The following RB1 variants were observed in gnomAD, a reference collection of about 807,000 sequenced individuals.
RB1 encodes the protein RB transcriptional corepressor 1.
In RB1, 18 loss-of-function variants were observed where a neutral mutation model predicts 135.4. The ratio of observed to expected loss-of-function variants is 0.13; its 90% confidence interval spans 0.09 to 0.20. The LOEUF is 0.20. Ranked by LOEUF, RB1 falls within the 10% of genes least tolerant of loss-of-function variation. The pLI is 1.00. For synonymous variants in RB1, 365 were observed against 373.2 expected, an observed-to-expected ratio of 0.98 and a Z score of 0.25; for missense variants, 868 against 1,110.0, an observed-to-expected ratio of 0.78 and a Z score of 3.10.
intron 19 of RB1, among the ~76,000 whole-genome samples, chr13:48,458,967 A>T (rs1949378897): frequency 6.6e-6 from 1 of 152,210 alleles, no homozygotes; most frequent in South Asian, 2.1e-4. Context: ...GGAAAAATTC[A>T]TAGACACTGG....
chr13:48,316,385 A>G (rs936889732), intron 2 of RB1, among the ~76,000 whole-genome samples: 6 of 152,076 alleles, frequency 3.9e-5, no homozygotes, highest in African/African-American at 1.4e-4. Context: ...TCAGGCTACC[A>G]CTGCAGCCAC....
chr13:48,481,046 T>C lies in RB1; in HGVS notation c.*975T>C, dbSNP rs1433064737. 8.7e-6 allele frequency: 2 copies of C among 229,984 alleles called. No individual in the cohort carries two copies. The highest frequency in any genetic ancestry group is 4.4e-5 in the African/African-American group (2 of 45,140). 14.2% of individuals were successfully genotyped at this position (229,984 alleles called of 1,614,324 possible). A position where few individuals can be genotyped will look rare whatever the true frequency, so the allele number is the denominator to read the frequency against. On this transcript the variant is annotated 3_prime_UTR_variant, in exon 27 of 27. Transcript: ENST00000267163. Reference sequence around the variant, plus strand: ...GTTAATTATAGGAGCCTTAATTTTTTTTTCATAGAGATTTGTCTAATTGCA... The same window carrying C: ...GTTAATTATAGGAGCCTTAATTTTTCTTTCATAGAGATTTGTCTAATTGCA...
In RB1 at chr13:48,360,189, G is replaced by A. The variant is rs917796536; in HGVS notation, c.718+62G>A. ...TCAGCAGTTGCTTATTGAATGTCTA[G>A]TGGGTACCAAACATGGTTCTAAGGC... On this transcript the variant is annotated intron_variant, in intron 7 of 26. Coordinates refer to ENST00000267163, the MANE Select transcript of RB1 (RefSeq NM_000321.3). The A allele has an allele frequency of 1.9e-6, 3 of 1,602,928 alleles. No homozygotes were observed. The Admixed American group carries it at 5.1e-5, about 27-fold the overall frequency.
chr13:48,442,237 G>C (rs1256972682), intron 17 of RB1, among the ~76,000 whole-genome samples: 1 of 149,364 alleles, frequency 6.7e-6, no homozygotes, highest in African/African-American at 2.5e-5. Context: ...GTCTTGCTCT[G>C]TTGCCCAGGC....
intron 17 of RB1, chr13:48,391,288 C>T (rs117304891): frequency 2.6e-5 from 4 of 152,294 alleles, no homozygotes; most frequent in South Asian, 2.1e-4. Context: ...TTTGCTTCGA[C>T]AGAAGTTATA....
chr13:48,471,704 T>C (rs1221195094), intron 23 of RB1, among the ~76,000 whole-genome samples: 1 of 152,182 alleles, frequency 6.6e-6, no homozygotes, highest in East Asian at 1.9e-4. Context: ...CAAAACACTT[T>C]TATATTTTTT....
intron 17 of RB1, among the ~76,000 whole-genome samples, chr13:48,419,814 T>C (rs1948976887): frequency 6.6e-6 from 1 of 152,136 alleles, no homozygotes; most frequent in Non-Finnish European, 1.5e-5. Context: ...CCTGGACACA[T>C]ACACCCTCCC....
intron 17 of RB1, among the ~76,000 whole-genome samples, chr13:48,402,544 A>AT: frequency 6.6e-6 from 1 of 151,444 alleles, no homozygotes; most frequent in Non-Finnish European, 1.5e-5. Flanking sequence ...CACCCAGCTA[A>AT]TTTTTTTTAT....
intron 2 of RB1, among the ~76,000 whole-genome samples, chr13:48,309,830 G>C (rs1186709358): frequency 6.6e-6 from 1 of 152,036 alleles, no homozygotes; most frequent in Non-Finnish European, 1.5e-5. Flanking sequence ...TTTAACAGTA[G>C]AGGCTCTTTT....
chr13:48,427,166 G>A (rs539640790), intron 17 of RB1, among the ~76,000 whole-genome samples: 5 of 149,486 alleles, frequency 3.3e-5, no homozygotes, highest in South Asian at 2.1e-4. Flanking sequence ...ACTTCAACAC[G>A]AGTCATCTAC....
chr13:48,473,688 C>T (rs1030695615), intron 24 of RB1, among the ~76,000 whole-genome samples: 5 of 152,092 alleles, frequency 3.3e-5, no homozygotes, highest in African/African-American at 1.2e-4. Flanking sequence ...TTGCTCACAA[C>T]ATTTCTATCA....
At chr13:48,326,862 TA>T (rs937426784) in intron 2 of RB1, among the ~76,000 whole-genome samples, 14 of 150,554 alleles carry the variant, frequency 9.3e-5, no homozygotes, top group Non-Finnish European at 1.3e-4. Context: ...ACTGTCACAT[TA>T]AAAAAAAAGT....
intron 17 of RB1, among the ~76,000 whole-genome samples, chr13:48,418,819 A>G (rs1280142000): frequency 3.9e-5 from 6 of 152,194 alleles, no homozygotes; most frequent in Non-Finnish European, 7.3e-5. Flanking sequence ...AAAGGGATCA[A>G]TGCAACAAGA....
intron 2 of RB1, among the ~76,000 whole-genome samples, chr13:48,325,683 T>C (rs1952281455): frequency 9.3e-6 from 1 of 107,250 alleles, no homozygotes; most frequent in Non-Finnish European, 2.4e-5. Context: ...CTTAATCCTT[T>C]TAGTGGATTT....
chr13:48,360,358 G>T, intron 7 of RB1: 1 of 836,872 alleles, frequency 1.2e-6, no homozygotes, highest in Non-Finnish European at 1.6e-6. Context: ...ATGGAGGTTT[G>T]GGAGACAAGA....
chr13:48,376,130 A>C (rs1424541972), intron 12 of RB1, among the ~76,000 whole-genome samples: 1 of 152,144 alleles, frequency 6.6e-6, no homozygotes, highest in African/African-American at 2.4e-5. Flanking sequence ...CTTTTGCAAC[A>C]ATTTCCCTAT....
intron 1 of RB1, among the ~76,000 whole-genome samples, chr13:48,306,736 T>C (rs762447799): frequency 6.6e-6 from 1 of 152,198 alleles, no homozygotes; most frequent in Non-Finnish European, 1.5e-5. Flanking sequence ...AGATAACACA[T>C]AGAAATTAGA....
At chr13:48,304,271 G>C (rs950098624) in intron 1 of RB1, among the ~76,000 whole-genome samples, 23 of 152,202 alleles carry the variant, frequency 1.5e-4, no homozygotes, top group Non-Finnish European at 2.6e-4. Context: ...GACAGGTGTC[G>C]GGCGGGTGGG....
rs1295421967 is a variant in RB1, at chr13:48,367,597, T to C, written c.1043T>C (p.Ile348Thr). The part of the protein sequence containing the change: ...DHDKTLQTDS[I>T]DSFETQRTPR... Reference sequence around the variant, plus strand: ...GATAAAACTCTTCAGACTGATTCTATAGACAGGTATTGCACATGGTATATT... The same window carrying C: ...GATAAAACTCTTCAGACTGATTCTACAGACAGGTATTGCACATGGTATATT... Residue 348 changes from isoleucine to threonine, a missense_variant, in exon 10 of 27, where the codon ATA (isoleucine) becomes ACA (threonine). Physicochemically the swap from Ile to Thr is moderately conservative, Grantham distance 89. Transcript: ENST00000267163. 3.7e-6 allele frequency: 6 copies of C among 1,603,478 alleles called. No individual in the cohort carries two copies. The highest frequency in any genetic ancestry group is 2.3e-5 in the East Asian group (1 of 44,438).
Sources: gnomAD v4.1 joint callset for allele counts (sites outside exome capture counted in the v4.1 genomes callset) on GRCh38, gnomAD v4.1.1 for gene constraint, MANE v1.5 for transcripts, NCBI Gene and HGNC (gene_info 2026-07-23, HGNC 2026-07-21) for gene names.